The following CSNK2A2IP variants were observed in gnomAD, a reference collection of about 807,000 sequenced individuals.
CSNK2A2IP encodes the protein casein kinase II subunit alpha'-interacting protein.
At chr3:88,370,598 T>TTCTC in the CSNK2A2IP span, among the ~76,000 whole-genome samples, 994 of 128,904 alleles carry the variant, frequency 7.7e-3, 14 homozygotes, top group African/African-American at 0.026. Context: ...CTTTCTTTCT[T>TTCTC]TCTCTCTCTC....
At chr3:88,424,365 G>A in the CSNK2A2IP span, among the ~76,000 whole-genome samples, 2 of 152,156 alleles carry the variant, frequency 1.3e-5, no homozygotes, top group Non-Finnish European at 2.9e-5. Flanking sequence ...GCTGTAGAAG[G>A]AAGCTAGTTT....
the CSNK2A2IP span, among the ~76,000 whole-genome samples, chr3:88,384,826 G>A: frequency 6.6e-6 from 1 of 152,120 alleles, no homozygotes; most frequent in Non-Finnish European, 1.5e-5. Flanking sequence ...ATATTTGGGG[G>A]TAGAATTGAA....
chr3:88,423,440 A>T, the CSNK2A2IP span, among the ~76,000 whole-genome samples: 1 of 152,104 alleles, frequency 6.6e-6, no homozygotes, highest in African/African-American at 2.4e-5. Flanking sequence ...AAGGAGTTAG[A>T]AGTCTCCTCT....
the CSNK2A2IP span, among the ~76,000 whole-genome samples, chr3:88,348,905 G>GT: frequency 4.0e-5 from 6 of 151,878 alleles, no homozygotes; most frequent in East Asian, 7.8e-4. Flanking sequence ...ATTCTTTTAT[G>GT]TTTTTTTCTT....
At chr3:88,347,067 C>T in the CSNK2A2IP span, among the ~76,000 whole-genome samples, 7 of 151,870 alleles carry the variant, frequency 4.6e-5, no homozygotes, top group African/African-American at 7.3e-5. Context: ...TAATTGCAGA[C>T]GTAGTGGAAA....
the CSNK2A2IP span, among the ~76,000 whole-genome samples, chr3:88,411,435 C>T: frequency 6.6e-6 from 1 of 151,432 alleles, no homozygotes; most frequent in Non-Finnish European, 1.5e-5. Flanking sequence ...CCTGTCTCTG[C>T]CTCATCTACC....
the CSNK2A2IP span, among the ~76,000 whole-genome samples, chr3:88,345,774 A>C: frequency 1.7e-5 from 2 of 118,628 alleles, no homozygotes; most frequent in East Asian, 4.3e-4. Flanking sequence ...TTGTTGAAAT[A>C]AGTCATTTAA....
the CSNK2A2IP span, among the ~76,000 whole-genome samples, chr3:88,395,678 A>G: frequency 2.6e-5 from 4 of 152,198 alleles, no homozygotes; most frequent in Non-Finnish European, 4.4e-5. Flanking sequence ...TTGAACTGAA[A>G]CTGCAGAAAA....
the CSNK2A2IP span, among the ~76,000 whole-genome samples, chr3:88,354,489 A>C: frequency 6.6e-6 from 1 of 152,186 alleles, no homozygotes. Flanking sequence ...TGTAGTTAAT[A>C]AACTGTAAAA....
chr3:88,373,197 T>C, the CSNK2A2IP span, among the ~76,000 whole-genome samples: 1 of 151,376 alleles, frequency 6.6e-6, no homozygotes, highest in Non-Finnish European at 1.5e-5. Context: ...CAGAAGAACA[T>C]GGGACATTTA....
At chr3:88,366,791 G>A in the CSNK2A2IP span, among the ~76,000 whole-genome samples, 6 of 152,192 alleles carry the variant, frequency 3.9e-5, no homozygotes, top group Non-Finnish European at 7.4e-5. Flanking sequence ...TGAAAAAGAC[G>A]TAACTGAGAC....
the CSNK2A2IP span, among the ~76,000 whole-genome samples, chr3:88,457,674 T>C: frequency 1.4e-5 from 2 of 139,378 alleles, no homozygotes; most frequent in Non-Finnish European, 1.6e-5. Flanking sequence ...CTAGCCTGGG[T>C]GAAAGAGTGA....
chr3:88,453,274 A>T, the CSNK2A2IP span, among the ~76,000 whole-genome samples: 1 of 152,160 alleles, frequency 6.6e-6, no homozygotes, highest in Non-Finnish European at 1.5e-5. Context: ...GTTATAAAAA[A>T]TTAATATAGG....
At chr3:88,456,810 C>T in the CSNK2A2IP span, among the ~76,000 whole-genome samples, 152 of 151,996 alleles carry the variant, frequency 1.0e-3, no homozygotes, top group South Asian at 0.016. Context: ...GTTCCATTTA[C>T]TTGTTTGTCT....
the CSNK2A2IP span, among the ~76,000 whole-genome samples, chr3:88,407,406 A>G: frequency 1.3e-5 from 2 of 151,928 alleles, no homozygotes; most frequent in Admixed American, 6.6e-5. Context: ...ATGGATTGAT[A>G]CAAAACAATA....
chr3:88,359,875 G>A, the CSNK2A2IP span, among the ~76,000 whole-genome samples: 1 of 152,074 alleles, frequency 6.6e-6, no homozygotes, highest in Non-Finnish European at 1.5e-5. Flanking sequence ...ATACTTATTA[G>A]ATCCAACTGG....
the CSNK2A2IP span, among the ~76,000 whole-genome samples, chr3:88,426,103 C>A: frequency 1.9e-3 from 291 of 152,170 alleles, no homozygotes; most frequent in African/African-American, 6.9e-3. Flanking sequence ...GTCTTTTCCA[C>A]AAAAATTAAA....
At chr3:88,451,698 T>A in the CSNK2A2IP span, among the ~76,000 whole-genome samples, 1 of 151,408 alleles carries the variant, frequency 6.6e-6, no homozygotes, top group East Asian at 1.9e-4. Context: ...GAGTTAAAAT[T>A]TTTTTATATA....
chr3:88,463,253 G>GTTTT, the CSNK2A2IP span, among the ~76,000 whole-genome samples: 1 of 143,994 alleles, frequency 6.9e-6, no homozygotes, highest in Non-Finnish European at 1.5e-5. Flanking sequence ...GATCACTTTA[G>GTTTT]TTTTTTTTTT....
Sources: gnomAD v4.1 joint callset for allele counts (sites outside exome capture counted in the v4.1 genomes callset) on GRCh38, gnomAD v4.1.1 for gene constraint, MANE v1.5 for transcripts, NCBI Gene and HGNC (gene_info 2026-07-23, HGNC 2026-07-21) for gene names.